The following XPNPEP1 variants were observed in gnomAD, a reference collection of about 807,000 sequenced individuals.
The protein encoded by XPNPEP1 is xaa-Pro aminopeptidase 1.
In XPNPEP1, 39 loss-of-function variants were observed where a neutral mutation model predicts 92.4. That is an observed-to-expected ratio of 0.42 (90% CI 0.33 to 0.55). The LOEUF (loss-of-function observed/expected upper bound fraction) is 0.55, where lower values mean the gene tolerates loss of function less well. Among genes scored for constraint, XPNPEP1 ranks in the 20% least tolerant of loss-of-function variants. The probability of loss-of-function intolerance (pLI) is 0.08; values close to 1 mark genes in which losing one functional copy is unlikely to be tolerated. For synonymous variants in XPNPEP1, 307 were observed against 299.4 expected, an observed-to-expected ratio of 1.03 and a Z score of -0.26; for missense variants, 654 against 856.1, an observed-to-expected ratio of 0.76 and a Z score of 2.95.
chr10:109,921,549 G>A (rs1850541729), intron 1 of XPNPEP1, among the ~76,000 whole-genome samples: 1 of 152,202 alleles, frequency 6.6e-6, no homozygotes, highest in African/African-American at 2.4e-5. Flanking sequence ...TCACACATGT[G>A]TAGCGTTCAG....
chr10:109,896,690 C>T (rs529189416), intron 3 of XPNPEP1, among the ~76,000 whole-genome samples: 6 of 152,152 alleles, frequency 3.9e-5, no homozygotes, highest in African/African-American at 1.4e-4. Flanking sequence ...GCACTCAGCA[C>T]AGGTGACTAG....
At chr10:109,877,070 T>G (rs1025712458) in intron 14 of XPNPEP1, 3 of 152,214 alleles carry the variant, frequency 2.0e-5, no homozygotes, top group African/African-American at 4.8e-5. Context: ...CCTCACAACC[T>G]ACTACTAAGT....
chr10:109,903,587 A>G (rs982352736), intron 3 of XPNPEP1, among the ~76,000 whole-genome samples: 1 of 152,238 alleles, frequency 6.6e-6, no homozygotes, highest in African/African-American at 2.4e-5. Flanking sequence ...TCCAGGTGAC[A>G]TGAAGCCCAC....
intron 8 of XPNPEP1, 97 bp downstream of exon 8, chr10:109,886,149 G>T: frequency 8.3e-7 from 1 of 1,211,168 alleles, no homozygotes; most frequent in Non-Finnish European, 1.2e-6. Flanking sequence ...TTATTCCCTG[G>T]CCACTCAGAA....
At chr10:109,883,206 G>T (rs918434456) in intron 9 of XPNPEP1, among the ~76,000 whole-genome samples, 64 of 152,004 alleles carry the variant, frequency 4.2e-4, no homozygotes, top group African/African-American at 1.5e-3. Context: ...GCCTCACTAT[G>T]TTCTGACCTC....
chr10:109,915,332 C>T (rs555203306), intron 1 of XPNPEP1, among the ~76,000 whole-genome samples: 1 of 152,324 alleles, frequency 6.6e-6, no homozygotes, highest in African/African-American at 2.4e-5. Flanking sequence ...TAAATTCTCA[C>T]ACCTCCTATT....
intron 3 of XPNPEP1, among the ~76,000 whole-genome samples, chr10:109,905,243 T>C (rs1184247351): frequency 6.6e-6 from 1 of 152,144 alleles, no homozygotes; most frequent in African/African-American, 2.4e-5. Context: ...TCTCGCTCTG[T>C]CACCCAGGCT....
At chr10:109,895,307 T>C (rs568298) in intron 3 of XPNPEP1, among the ~76,000 whole-genome samples, 89,588 of 152,018 alleles carry the variant, frequency 0.59, 27,494 homozygotes, top group South Asian at 0.79. Context: ...GACTCTTCCA[T>C]TCAGGGACAT....
intron 12 of XPNPEP1, among the ~76,000 whole-genome samples, chr10:109,879,004 A>C (rs1226420496): frequency 6.6e-6 from 1 of 152,132 alleles, no homozygotes. Context: ...GCACTTTGGG[A>C]GGCCGAGGCG....
chr10:109,876,501 T>G (rs892005090), intron 14 of XPNPEP1: 1 of 152,262 alleles, frequency 6.6e-6, no homozygotes, highest in African/African-American at 2.4e-5. Context: ...GTTTAATGTT[T>G]TAATTATACG....
intron 14 of XPNPEP1, chr10:109,875,943 A>C (rs1327919136): frequency 4.6e-6 from 1 of 217,676 alleles, no homozygotes; most frequent in Non-Finnish European, 9.3e-6. Flanking sequence ...AACAGGACCT[A>C]GCTAGAGTCC....
intron 8 of XPNPEP1, 74 bp from the exon 9 acceptor site, chr10:109,884,222 G>C (rs1848265099): frequency 6.9e-7 from 1 of 1,446,310 alleles, no homozygotes; most frequent in African/African-American, 1.4e-5. Flanking sequence ...CGGGAGGGAA[G>C]AGCTTCAGCT....
rs75313791 is a variant in XPNPEP1 at position 109,869,214 on chromosome 10, G to A, written c.1774-502C>T. On this transcript the variant is annotated intron_variant, in intron 19 of 20. Coordinates refer to ENST00000502935, the MANE Select transcript of XPNPEP1 (RefSeq NM_020383.4). ...CATGGCAGCTTTTGGGAATAAGATG[G>A]GAGGTCACTTCCAAGAATAGTGACT... Among the ~76,000 whole-genome samples, 518 of 152,306 alleles carry A rather than the reference G, an allele frequency of 3.4e-3. 5 individuals carry two copies. Among genetic ancestry groups the A allele is most frequent in the African/African-American group, 0.012 (497 of 41,572 alleles).
At chr10:109,904,731 G>T (rs1849463155) in intron 3 of XPNPEP1, among the ~76,000 whole-genome samples, 1 of 152,142 alleles carries the variant, frequency 6.6e-6, no homozygotes, top group Non-Finnish European at 1.5e-5. Context: ...TCTACAATGA[G>T]CCATCACCTC....
chr10:109,883,676 G>A (rs1407564226), intron 9 of XPNPEP1: 1 of 169,366 alleles, frequency 5.9e-6, no homozygotes, highest in Non-Finnish European at 1.3e-5. Context: ...AAAATAAACT[G>A]ACAATTCAAC....
At chr10:109,915,608 C>G (rs1850140761) in intron 1 of XPNPEP1, among the ~76,000 whole-genome samples, 1 of 151,960 alleles carries the variant, frequency 6.6e-6, no homozygotes, top group Non-Finnish European at 1.5e-5. Context: ...GTTTTGTGAT[C>G]TTTTATTAAG....
intron 3 of XPNPEP1, among the ~76,000 whole-genome samples, chr10:109,906,829 A>C (rs1406760549): frequency 6.6e-6 from 1 of 151,966 alleles, no homozygotes; most frequent in African/African-American, 2.4e-5. Flanking sequence ...CTATTTACCC[A>C]AACTCCACCC....
chr10:109,888,406 C>T, intron 6 of XPNPEP1, 97 bp downstream of exon 6: 1 of 1,307,786 alleles, frequency 7.6e-7, no homozygotes, highest in Non-Finnish European at 1.0e-6. Flanking sequence ...CATGCTGAGC[C>T]CCCCAGTGCT....
chr10:109,889,980 T>C (rs1848609492), intron 5 of XPNPEP1, among the ~76,000 whole-genome samples: 1 of 152,206 alleles, frequency 6.6e-6, no homozygotes, highest in African/African-American at 2.4e-5. Flanking sequence ...CCTAATGCCC[T>C]AGTACACTAC....
Sources: gnomAD v4.1 joint callset for allele counts (sites outside exome capture counted in the v4.1 genomes callset) on GRCh38, gnomAD v4.1.1 for gene constraint, MANE v1.5 for transcripts, NCBI Gene and HGNC (gene_info 2026-07-23, HGNC 2026-07-21) for gene names.